MEIS3: variants seen among roughly 807,000 people sequenced by gnomAD.
MEIS3 encodes the protein homeobox protein Meis3.
Under a neutral mutation model 51.4 loss-of-function variants are expected in MEIS3, and 38 were observed. The observed-to-expected ratio is 0.74, with a 90% CI of 0.57 to 0.97. The LOEUF is 0.97. MEIS3 is among the 50% of genes least tolerant of loss of function. The pLI is 0.00. For missense variants in MEIS3, 456 were observed against 502.6 expected (o/e 0.91, Z 0.89); for synonymous variants, 198 against 201.8 (o/e 0.98, Z 0.16).
chr19:47,409,192 G>A lies in MEIS3; in HGVS notation c.765C>T (p.Asp255=), dbSNP rs375371345. The part of the protein sequence containing the change: ...ASPSSGGEDE[D]LDQERRRNKK... ...TGTTTCGCCGTCGCTCCTGGTCCAA[G>A]TCCTCATCTTCTCCACCAGAACTGG... Residue 255 remains aspartate, a synonymous_variant, in exon 8 of 13, where the codon GAC becomes GAT. Transcript: ENST00000558555. 9 of 1,613,172 alleles carry A rather than the reference G, an allele frequency of 5.6e-6. No individual in the cohort carries two copies. The Admixed American group carries it at 8.3e-5, about 15-fold the overall frequency.
intron 4 of MEIS3, chr19:47,415,818 T>A (rs1971384546): frequency 6.6e-6 from 1 of 152,190 alleles, no homozygotes; most frequent in Admixed American, 6.6e-5. Flanking sequence ...GGTGATCTGC[T>A]TGCCTCAGCC....
intron 6 of MEIS3, among the ~76,000 whole-genome samples, chr19:47,414,130 C>T (rs980170394): frequency 4.1e-4 from 63 of 152,102 alleles, no homozygotes; most frequent in African/African-American, 1.1e-3. Flanking sequence ...GTGGTGTGTG[C>T]GTGTGATCTC....
At chr19:47,403,721 T>G (rs1220035442) in intron 12 of MEIS3, among the ~76,000 whole-genome samples, 168 bp from the exon 13 acceptor site, 1 of 150,912 alleles carries the variant, frequency 6.6e-6, no homozygotes, top group East Asian at 2.0e-4. Flanking sequence ...AGAGACGCAG[T>G]GACGAGAAAG....
chr19:47,407,316 CCCGGGCCGG>C, intron 9 of MEIS3, 27 bp downstream of exon 9: 1 of 1,601,852 alleles, frequency 6.2e-7, no homozygotes, highest in African/African-American at 1.4e-5. Flanking sequence ...GGGCTCTCGC[CCCGGGCCGG>C]CCCGCGGGCC....
chr19:47,410,452 CAAAA>C (rs562672336), intron 6 of MEIS3, among the ~76,000 whole-genome samples: 1 of 61,272 alleles, frequency 1.6e-5, no homozygotes, highest in African/African-American at 5.4e-5. Flanking sequence ...GACTACGTCT[CAAAA>C]AAAAAAAAAA....
rs757764462 is a variant in MEIS3 at position 47,409,191 on chromosome 19, A to C, written c.766T>G (p.Leu256Val). 1 of 1,613,156 alleles carries C rather than the reference A, an allele frequency of 6.2e-7. No individual in the cohort carries two copies. The highest frequency in any genetic ancestry group is 8.5e-7 in the Non-Finnish European group (1 of 1,179,962). Residue 256 changes from leucine to valine, a missense_variant, in exon 8 of 13, where the codon TTG (leucine) becomes GTG (valine). Coordinates refer to ENST00000558555, the MANE Select transcript of MEIS3 (RefSeq NM_001301059.2). ...TTGTTTCGCCGTCGCTCCTGGTCCAAGTCCTCATCTTCTCCACCAGAACTG... is the reference window on the plus strand; with the variant it reads ...TTGTTTCGCCGTCGCTCCTGGTCCACGTCCTCATCTTCTCCACCAGAACTG... ...SPSSGGEDED[L>V]DQERRRNKKR...
At chr19:47,420,077 C>G (rs1971650381), upstream of MEIS3, among the ~76,000 whole-genome samples, 1 of 152,214 alleles carries the variant, frequency 6.6e-6, no homozygotes, top group East Asian at 1.9e-4. Context: ...CCCATGCCGG[C>G]GGGCTCTGCC....
At position 47,419,246 on chromosome 19, in the gene MEIS3, G is replaced by A; in HGVS notation, c.-165C>T. The A allele has an allele frequency of 2.8e-6, 1 of 353,652 alleles. No homozygotes were observed. Among genetic ancestry groups the A allele is most frequent in the Non-Finnish European group, 4.8e-6 (1 of 207,280 alleles). 21.9% of individuals were successfully genotyped at this position (353,652 alleles called of 1,614,324 possible). A position where few individuals can be genotyped will look rare whatever the true frequency, so the allele number is the denominator to read the frequency against. ...CCCGCCGCCGTCAGCGGCAGGCGCCGGGCCGGGTGGGGACTCCGCGCATGG... is the reference window on the plus strand; with the variant it reads ...CCCGCCGCCGTCAGCGGCAGGCGCCAGGCCGGGTGGGGACTCCGCGCATGG... On this transcript the variant is annotated 5_prime_UTR_variant, in exon 1 of 13. Coordinates refer to ENST00000558555, the MANE Select transcript of MEIS3 (RefSeq NM_001301059.2).
rs374178373 is a variant in MEIS3 at position 47,409,178 on chromosome 19, C to G, written c.779G>C (p.Arg260Pro). 6.2e-6 allele frequency: 10 copies of G among 1,612,938 alleles called. No homozygotes were observed. The South Asian group carries it at 1.1e-4, about 18-fold the overall frequency. Residue 260 changes from arginine to proline, a missense_variant, in exon 8 of 13, where the codon CGA becomes CCA. Transcript: ENST00000558555. ...GGEDEDLDQE[R>P]RRNKKRGIFP... ...GATCCCCCTCTTCTTGTTTCGCCGT[C>G]GCTCCTGGTCCAAGTCCTCATCTTC...
chr19:47,409,360 A>C, intron 7 of MEIS3, 76 bp downstream of exon 7: 4 of 1,576,298 alleles, frequency 2.5e-6, no homozygotes, highest in Non-Finnish European at 3.5e-6. Context: ...CTGCCCCTCT[A>C]CAAGTCTTAC....
At chr19:47,421,311 G>A (rs761176488), upstream of MEIS3, among the ~76,000 whole-genome samples, 18 of 152,126 alleles carry the variant, frequency 1.2e-4, no homozygotes, top group Admixed American at 2.6e-4. Flanking sequence ...TCCCCAGCAC[G>A]GGCTGGGCGA....
chr19:47,407,727 C>G, intron 8 of MEIS3: 1 of 524,156 alleles, frequency 1.9e-6, no homozygotes. Flanking sequence ...AGGGGCTTCA[C>G]TGGCGTCGGG....
At chr19:47,416,739 C>T (rs758606805) in intron 3 of MEIS3, 37 bp from the exon 4 acceptor site, 42 of 1,610,512 alleles carry the variant, frequency 2.6e-5, no homozygotes, top group South Asian at 8.8e-5. Context: ...GGGGATGTCC[C>T]GCCTTCCACC....
chr19:47,409,777 C>T (rs140645172), intron 6 of MEIS3, among the ~76,000 whole-genome samples: 3,331 of 151,486 alleles, frequency 0.022, 51 homozygotes, highest in Non-Finnish European at 0.032. Context: ...GCAGGAGAAT[C>T]GCTTGAACCC....
chr19:47,406,971 C>G lies in MEIS3; in HGVS notation c.995G>C (p.Gly332Ala). 4 of 1,575,462 alleles carry G rather than the reference C, an allele frequency of 2.5e-6. No individual in the cohort carries two copies. Among genetic ancestry groups the G allele is most frequent in the Non-Finnish European group, 3.4e-6 (4 of 1,160,788 alleles). ...QPMIDQSNRT[G>A]QGAAFSPEGQ... ...CTCTGGGCTGAAGGCTGCACCCTGC[C>G]CTGCGAAGGGGGTTCAGAGGTGCAG... Residue 332 changes from glycine (G) to alanine (A), a missense_variant and splice_region_variant, in exon 11 of 13, where the codon GGG (glycine) becomes GCG (alanine). By Grantham distance (60) the Gly-to-Ala change is moderately conservative. Transcript: ENST00000558555.
rs539398516 is a variant in MEIS3, at chr19:47,416,532, G to A, written c.396+120C>T. Reference sequence around the variant, plus strand: ...ACGGCACGTGGGCAACAATCATGACGGTTTGGGGACATGGACCAGGTGGCC... The same window carrying A: ...ACGGCACGTGGGCAACAATCATGACAGTTTGGGGACATGGACCAGGTGGCC... On this transcript the variant is annotated intron_variant, in intron 4 of 12. Coordinates refer to ENST00000558555, the MANE Select transcript of MEIS3 (RefSeq NM_001301059.2). 2.2e-5 allele frequency: 18 copies of A among 802,500 alleles called. No individual in the cohort carries two copies. The East Asian group carries it at 4.4e-4, about 20-fold the overall frequency. The allele number at this position is 802,500 out of a possible 1,614,324, so 49.7% of individuals were successfully genotyped here. A position where few individuals can be genotyped will look rare whatever the true frequency, so the allele number is the denominator to read the frequency against.
chr19:47,407,679 A>G, intron 8 of MEIS3: 2 of 801,350 alleles, frequency 2.5e-6, no homozygotes, highest in Non-Finnish European at 3.5e-6. Context: ...CTGATTAGAG[A>G]GACTGTGTTG....
chr19:47,415,668 G>A (rs1343897381), intron 4 of MEIS3, among the ~76,000 whole-genome samples: 1 of 149,340 alleles, frequency 6.7e-6, no homozygotes, highest in Admixed American at 6.8e-5. Context: ...CTGCCTCCCA[G>A]GTTCAAGCGA....
intron 8 of MEIS3, 106 bp from the exon 9 acceptor site, chr19:47,407,534 G>C (rs1259368272): frequency 1.9e-6 from 3 of 1,592,824 alleles, no homozygotes; most frequent in South Asian, 2.2e-5. Context: ...GGCCCAGGCA[G>C]ACGTCTGGGA....
Sources: allele counts gnomAD v4.1 joint callset (sites outside exome capture counted in the v4.1 genomes callset), GRCh38; gene constraint gnomAD v4.1.1; transcripts MANE v1.5; gene names NCBI Gene and HGNC (gene_info 2026-07-23, HGNC 2026-07-21).